Variants in PIP5K1B observed in about 807,000 individuals in gnomAD.
The protein encoded by PIP5K1B is phosphatidylinositol-4-phosphate 5-kinase type 1 beta, also known as phosphatidylinositol 4-phosphate 5-kinase type-1 beta.
A neutral mutation model predicts 67.0 loss-of-function variants in PIP5K1B; 42 were observed. The observed-to-expected ratio is 0.63, with a 90% confidence interval of 0.49 to 0.81. PIP5K1B has a LOEUF of 0.81. Among genes scored for constraint, PIP5K1B ranks in the 30% least tolerant of loss-of-function variants. The pLI is 0.00. For synonymous variants in PIP5K1B, 214 were observed against 231.4 expected, an observed-to-expected ratio of 0.92 and a Z score of 0.68; for missense variants, 459 against 646.3, an observed-to-expected ratio of 0.71 and a Z score of 3.14.
chr9:68,882,177 G>C lies in PIP5K1B; in HGVS notation c.318+5383G>C, dbSNP rs187020898. Among the ~76,000 whole-genome samples, 61 of 152,318 alleles carry C rather than the reference G, an allele frequency of 4.0e-4. 1 individual carries two copies. Among genetic ancestry groups the C allele is most frequent in the Non-Finnish European group, 5.9e-5 (4 of 68,038 alleles). The stretch of plus-strand genomic sequence containing the variant: ...GTGCATAAAACCCAGGAGCACACAT[G>C]GGGGCTTTTGATCATGACTAATTAA... On this transcript the variant is annotated intron_variant, in intron 6 of 15. Transcript: ENST00000265382.
intron 6 of PIP5K1B, among the ~76,000 whole-genome samples, chr9:68,887,426 G>C (rs1380696348): frequency 6.6e-6 from 1 of 152,220 alleles, no homozygotes; most frequent in Non-Finnish European, 1.5e-5. Flanking sequence ...GTTAGTCTCT[G>C]TGGCTAGAGC....
At position 69,003,318 on chromosome 9, in the gene PIP5K1B, A is replaced by G. The variant is rs528979386; in HGVS notation, c.1621-5129A>G. 2.6e-5 allele frequency among the ~76,000 whole-genome samples: 4 copies of G among 152,158 alleles called. No homozygotes were observed. In the East Asian group the frequency reaches 7.7e-4, roughly 29 times the overall value. On this transcript the variant is annotated intron_variant, in intron 15 of 15. Coordinates refer to ENST00000265382, the MANE Select transcript of PIP5K1B (RefSeq NM_003558.4). The stretch of plus-strand genomic sequence containing the variant: ...GAAAATGAAACACGGGACTAAGCCT[A>G]CGATGGCCGAGAGAAAAGCTGATGC...
intron 8 of PIP5K1B, among the ~76,000 whole-genome samples, chr9:68,911,093 G>A (rs899093272): frequency 2.6e-5 from 4 of 152,188 alleles, no homozygotes; most frequent in African/African-American, 9.7e-5. Context: ...GGGAAACTGG[G>A]CCAGGCATGG....
At chr9:68,768,215 T>C (rs1830524461) in intron 2 of PIP5K1B, among the ~76,000 whole-genome samples, 2 of 152,070 alleles carry the variant, frequency 1.3e-5, no homozygotes, top group Non-Finnish European at 2.9e-5. Context: ...GAGAAATCAG[T>C]AAGATGGATG....
At chr9:68,843,828 C>T (rs1822046286) in intron 4 of PIP5K1B, among the ~76,000 whole-genome samples, 1 of 152,174 alleles carries the variant, frequency 6.6e-6, no homozygotes, top group South Asian at 2.1e-4. Flanking sequence ...CTTCTTGTAA[C>T]CTTCTGGAGC....
chr9:68,875,858 G>A (rs1486575678), intron 5 of PIP5K1B, among the ~76,000 whole-genome samples: 1 of 152,122 alleles, frequency 6.6e-6, no homozygotes, highest in East Asian at 1.9e-4. Flanking sequence ...CATGTATTAG[G>A]TAATATTGTA....
intron 2 of PIP5K1B, among the ~76,000 whole-genome samples, chr9:68,797,812 C>CATTTT (rs142249326): frequency 1.3e-5 from 2 of 151,178 alleles, no homozygotes; most frequent in East Asian, 2.0e-4. Flanking sequence ...TCACTGTGCC[C>CATTTT]GTTTTGTTTT....
intron 2 of PIP5K1B, among the ~76,000 whole-genome samples, chr9:68,804,635 A>T (rs1832771962): frequency 6.9e-6 from 1 of 143,938 alleles, no homozygotes; most frequent in African/African-American, 2.6e-5. Flanking sequence ...TCTGTCATTC[A>T]GGATGGAGCG....
At position 68,971,806 on chromosome 9, in the gene PIP5K1B, T is replaced by C. The variant is rs1029948446; in HGVS notation, c.1503-19334T>C. On this transcript the variant is annotated intron_variant, in intron 14 of 15. Coordinates refer to ENST00000265382, the MANE Select transcript of PIP5K1B (RefSeq NM_003558.4). ...AATGTCTTCTTTTGAAAAGTGTCTG[T>C]TCATATCCTTTGCCCACTTTTTGAT... is the stretch of plus-strand genomic sequence containing the variant. Among the ~76,000 whole-genome samples the C allele has an allele frequency of 2.6e-5, 4 of 152,384 alleles. No individual in the cohort carries two copies. The South Asian group carries it at 8.3e-4, about 32-fold the overall frequency.
chr9:68,918,755 A>G (rs1323570578), intron 9 of PIP5K1B, among the ~76,000 whole-genome samples: 2 of 152,248 alleles, frequency 1.3e-5, no homozygotes, highest in Admixed American at 6.5e-5. Context: ...AAATTAACAC[A>G]TATTAAATAT....
intron 8 of PIP5K1B, among the ~76,000 whole-genome samples, chr9:68,902,003 C>G (rs1263857849): frequency 6.6e-6 from 1 of 152,218 alleles, no homozygotes; most frequent in African/African-American, 2.4e-5. Flanking sequence ...ACCCTTCACT[C>G]AGTTTCCCCC....
intron 6 of PIP5K1B, among the ~76,000 whole-genome samples, chr9:68,880,596 C>CGCATAT (rs1564202556): frequency 1.4e-5 from 2 of 146,812 alleles, no homozygotes; most frequent in African/African-American, 2.5e-5. Context: ...CACGCATACA[C>CGCATAT]ACACACACAC....
intron 5 of PIP5K1B, among the ~76,000 whole-genome samples, chr9:68,876,131 T>C (rs1823883565): frequency 6.6e-6 from 1 of 152,160 alleles, no homozygotes; most frequent in South Asian, 2.1e-4. Flanking sequence ...GGAATGGAAA[T>C]CAGGTTTTAA....
intron 4 of PIP5K1B, among the ~76,000 whole-genome samples, chr9:68,850,475 G>A (rs12349732): frequency 0.014 from 2,089 of 152,304 alleles, 45 homozygotes; most frequent in African/African-American, 0.048. Flanking sequence ...GCACTGCCCA[G>A]GTGTGACAAC....
intron 2 of PIP5K1B, chr9:68,779,961 C>T (rs1334404271): frequency 1.0e-5 from 6 of 597,582 alleles, no homozygotes; most frequent in African/African-American, 3.9e-5. Context: ...CCCTCCCCTA[C>T]CACTGCCGCG....
intron 15 of PIP5K1B, among the ~76,000 whole-genome samples, chr9:69,000,538 G>A (rs531769220): frequency 6.6e-6 from 1 of 152,138 alleles, no homozygotes; most frequent in Non-Finnish European, 1.5e-5. Context: ...CCTTCTGAGG[G>A]CTGTGAGGCA....
chr9:68,754,087 C>T (rs1309073475), intron 2 of PIP5K1B, among the ~76,000 whole-genome samples: 6 of 151,698 alleles, frequency 4.0e-5, no homozygotes, highest in African/African-American at 1.5e-4. Flanking sequence ...TTTAAGGGAA[C>T]ATTGTCATCT....
intron 14 of PIP5K1B, among the ~76,000 whole-genome samples, chr9:68,954,963 G>T (rs1439211396): frequency 6.6e-6 from 1 of 152,216 alleles, no homozygotes; most frequent in Non-Finnish European, 1.5e-5. Context: ...GGATGGAAAA[G>T]ATGGAAAATC....
intron 6 of PIP5K1B, among the ~76,000 whole-genome samples, chr9:68,879,254 G>T (rs560110051): frequency 1.3e-5 from 2 of 152,244 alleles, no homozygotes; most frequent in East Asian, 3.9e-4. Flanking sequence ...TATCTGAGGA[G>T]TTGGTCAAAG....
Sources: allele counts gnomAD v4.1 joint callset (sites outside exome capture counted in the v4.1 genomes callset), GRCh38; gene constraint gnomAD v4.1.1; transcripts MANE v1.5; gene names NCBI Gene and HGNC (gene_info 2026-07-23, HGNC 2026-07-21).